The following KIRREL3 variants were observed in gnomAD, a reference collection of about 807,000 sequenced individuals.
KIRREL3 encodes the protein kirre like nephrin family adhesion molecule 3.
In KIRREL3, 36 loss-of-function variants were observed where a neutral mutation model predicts 89.7. The ratio of observed to expected loss-of-function variants is 0.40; its 90% confidence interval spans 0.31 to 0.53. KIRREL3 has a LOEUF of 0.53. KIRREL3 is among the 20% of genes least tolerant of loss of function. The pLI is 0.49. For synonymous variants in KIRREL3, 445 were observed against 441.4 expected (o/e 1.01, Z -0.10); for missense variants, 864 against 1,056.6 (o/e 0.82, Z 2.53).
At position 126,651,153 on chromosome 11, in the gene KIRREL3, G is replaced by C. The variant is rs1398260074; in HGVS notation, c.56-88241C>G. Among the ~76,000 whole-genome samples the C allele has an allele frequency of 6.6e-6, 1 of 152,208 alleles. No homozygotes were observed. The highest frequency in any genetic ancestry group is 6.5e-5 in the Admixed American group (1 of 15,280). ...AAGATGATATGTGGGTGGGGACACA[G>C]CAAAACCATATCAGAAAAGAACTGC... On this transcript the variant is annotated intron_variant, in intron 1 of 16. Transcript: ENST00000525144. The surrounding 1 kb of genome is among the most constrained non-coding windows in gnomAD (Gnocchi z 4.6).
Position 127,000,533 on chromosome 11 carries a change from C to T in KIRREL3, c.-24G>A, listed in dbSNP as rs1374143872. 5 of 1,593,590 alleles carry T rather than the reference C, an allele frequency of 3.1e-6. No individual in the cohort carries two copies. The highest frequency in any genetic ancestry group is 3.5e-5 in the Admixed American group (2 of 57,228). On this transcript the variant is annotated 5_prime_UTR_variant, in exon 1 of 17. Coordinates refer to ENST00000525144, the MANE Select transcript of KIRREL3 (RefSeq NM_032531.4). The surrounding 1 kb of genome is among the most constrained non-coding windows in gnomAD (Gnocchi z 7.1). ...ATTCCTTAGCGCAGCGAAGGAAAGC[C>T]GGCGGGGTAACTTGGCTGTGGTTAG...
chr11:126,573,526 C>A (rs1243221580), intron 1 of KIRREL3, among the ~76,000 whole-genome samples: 1 of 151,312 alleles, frequency 6.6e-6, no homozygotes, highest in African/African-American at 2.4e-5. Context: ...GAGGACCCAG[C>A]GGAAAAGGCA....
At chr11:126,584,536 G>A (rs184183675) in intron 1 of KIRREL3, among the ~76,000 whole-genome samples, 26 of 152,302 alleles carry the variant, frequency 1.7e-4, no homozygotes, top group Admixed American at 5.2e-4. Context: ...GGGTATGACC[G>A]AGCCTGGCTG....
intron 1 of KIRREL3, among the ~76,000 whole-genome samples, chr11:126,840,079 A>G (rs372300969): frequency 1.3e-5 from 2 of 152,176 alleles, no homozygotes; most frequent in Non-Finnish European, 2.9e-5. Context: ...AAGATTCATT[A>G]TGGAAATTAA....
At chr11:126,980,081 T>C (rs1369705293) in intron 1 of KIRREL3, among the ~76,000 whole-genome samples, 1 of 152,130 alleles carries the variant, frequency 6.6e-6, no homozygotes, top group Non-Finnish European at 1.5e-5. Context: ...AGAGTGACTG[T>C]GAGTGGGAAA....
intron 1 of KIRREL3, among the ~76,000 whole-genome samples, chr11:126,785,456 G>A (rs1950458223): frequency 6.6e-6 from 1 of 152,096 alleles, no homozygotes; most frequent in Admixed American, 6.5e-5. Flanking sequence ...AAGCGTTCCA[G>A]GGGAGTGGGA....
In KIRREL3 at chr11:126,578,282, T is replaced by C. The variant is rs754693401; in HGVS notation, c.56-15370A>G. Among the ~76,000 whole-genome samples the C allele has an allele frequency of 2.6e-5, 4 of 152,198 alleles. No individual in the cohort carries two copies. The highest frequency in any genetic ancestry group is 5.9e-5 in the Non-Finnish European group (4 of 68,026). ...ATGCTCCCTCCCTCTCCCCTCCAGC[T>C]TCTCTGCAAATGCAAGACTCTGGCT... On this transcript the variant is annotated intron_variant, in intron 1 of 16. Transcript: ENST00000525144. This position sits in a 1 kb window ranked among gnomAD's most constrained non-coding sequence, Gnocchi z 4.9.
At position 126,967,822 on chromosome 11, in the gene KIRREL3, GCT is replaced by G. The variant is rs1565464375; in HGVS notation, c.55+32631_55+32632del. 8.5e-4 allele frequency among the ~76,000 whole-genome samples: 129 copies of G among 151,074 alleles called. 1 individual carries two copies. Among genetic ancestry groups the G allele is most frequent in the African/African-American group, 2.6e-3 (107 of 41,094 alleles). On this transcript the variant is annotated intron_variant, in intron 1 of 16. Coordinates refer to ENST00000525144, the MANE Select transcript of KIRREL3 (RefSeq NM_032531.4). The stretch of plus-strand genomic sequence containing the variant: ...TTTGCTTGTCGCAGCTGGGGAGGGG[GCT>G]TGCTACAGGCACATACTGGGTAGCT...
intron 1 of KIRREL3, among the ~76,000 whole-genome samples, chr11:126,585,986 T>C (rs185485436): frequency 1.9e-4 from 29 of 152,336 alleles, no homozygotes; most frequent in Non-Finnish European, 4.1e-4. Flanking sequence ...GCCTGAGTAA[T>C]GGCCGTCTGC....
rs984849078 is a variant in KIRREL3, at chr11:126,687,569, T to A, written c.56-124657A>T. Among the ~76,000 whole-genome samples the A allele has an allele frequency of 6.6e-6, 1 of 152,226 alleles. No individual in the cohort carries two copies. The highest frequency in any genetic ancestry group is 1.5e-5 in the Non-Finnish European group (1 of 68,042). ...TTCTATTAGTTTGAAGGAGGTCTAC[T>A]TCCTAAGACATTCTTCTGCTACCAT... On this transcript the variant is annotated intron_variant, in intron 1 of 16. Coordinates refer to ENST00000525144, the MANE Select transcript of KIRREL3 (RefSeq NM_032531.4). This position sits in a 1 kb window ranked among gnomAD's most constrained non-coding sequence, Gnocchi z 4.6.
In KIRREL3 at chr11:126,953,125, C is replaced by G. The variant is rs896309642; in HGVS notation, c.55+47330G>C. Among the ~76,000 whole-genome samples the G allele has an allele frequency of 6.6e-6, 1 of 152,198 alleles. No individual in the cohort carries two copies. Among genetic ancestry groups the G allele is most frequent in the African/African-American group, 2.4e-5 (1 of 41,440 alleles). ...TAGACTGAATAAAGAAAATGTGGCA[C>G]ATATACACCATGGAATTCTATGCAG... On this transcript the variant is annotated intron_variant, in intron 1 of 16. Coordinates refer to ENST00000525144, the MANE Select transcript of KIRREL3 (RefSeq NM_032531.4). This position sits in a 1 kb window ranked among gnomAD's most constrained non-coding sequence, Gnocchi z 5.2.
chr11:126,837,860 C>T lies in KIRREL3; in HGVS notation c.55+162595G>A, dbSNP rs116067651. Among the ~76,000 whole-genome samples the T allele has an allele frequency of 5.5e-3, 833 of 152,278 alleles. 6 individuals are homozygous for T. The highest frequency in any genetic ancestry group is 0.018 in the African/African-American group (743 of 41,536). ...CGCAGTCTATGTCCAGGCATACATCCTATCTCTCTACACTCCTAAAGCCCC... is the reference window on the plus strand; with the variant it reads ...CGCAGTCTATGTCCAGGCATACATCTTATCTCTCTACACTCCTAAAGCCCC... On this transcript the variant is annotated intron_variant, in intron 1 of 16. Coordinates refer to ENST00000525144, the MANE Select transcript of KIRREL3 (RefSeq NM_032531.4). This position sits in a 1 kb window ranked among gnomAD's most constrained non-coding sequence, Gnocchi z 4.7.
chr11:126,672,271 A>G lies in KIRREL3; in HGVS notation c.56-109359T>C, dbSNP rs1246504449. On this transcript the variant is annotated intron_variant, in intron 1 of 16. Transcript: ENST00000525144. ...TTGATTATATGAGACTAGTGTGTAT[A>G]TAAAGACCCTAAAGTTGGGAGGGTA... 3.3e-5 allele frequency among the ~76,000 whole-genome samples: 5 copies of G among 152,350 alleles called. No homozygotes were observed. In the East Asian group the frequency reaches 9.6e-4, roughly 29 times the overall value.
At chr11:126,720,871 C>T (rs374837993) in intron 1 of KIRREL3, among the ~76,000 whole-genome samples, 2 of 152,034 alleles carry the variant, frequency 1.3e-5, no homozygotes, top group South Asian at 2.1e-4. Flanking sequence ...AGAGGAGTGT[C>T]CAGGAAAGGG....
chr11:126,969,078 G>A lies in KIRREL3; in HGVS notation c.55+31377C>T, dbSNP rs1949359253. Among the ~76,000 whole-genome samples the A allele has an allele frequency of 6.6e-6, 1 of 152,152 alleles. No individual in the cohort carries two copies. The highest frequency in any genetic ancestry group is 2.1e-4 in the South Asian group (1 of 4,836). ...CTTCAGGCGGGGGCGTCTGAGGTTC[G>A]CGTGTGAGGGAATCAGGTGCATTGC... On this transcript the variant is annotated intron_variant, in intron 1 of 16. Transcript: ENST00000525144. This position sits in a 1 kb window ranked among gnomAD's most constrained non-coding sequence, Gnocchi z 4.9.
chr11:126,564,871 C>T lies in KIRREL3; in HGVS notation c.56-1959G>A, dbSNP rs1024880212. 4.6e-5 allele frequency among the ~76,000 whole-genome samples: 7 copies of T among 152,372 alleles called. No homozygotes were observed. The South Asian group carries it at 1.2e-3, about 27-fold the overall frequency. Reference sequence around the variant, plus strand: ...GAGGGAGACTGTATTGAAACCTCAACACGCTGACGACAGGCAGAGTTAACC... The same window carrying T: ...GAGGGAGACTGTATTGAAACCTCAATACGCTGACGACAGGCAGAGTTAACC... On this transcript the variant is annotated intron_variant, in intron 1 of 16. Coordinates refer to ENST00000525144, the MANE Select transcript of KIRREL3 (RefSeq NM_032531.4). This position sits in a 1 kb window ranked among gnomAD's most constrained non-coding sequence, Gnocchi z 7.4.
chr11:126,597,608 A>G (rs1477540492), intron 1 of KIRREL3, among the ~76,000 whole-genome samples: 1 of 152,156 alleles, frequency 6.6e-6, no homozygotes, highest in Non-Finnish European at 1.5e-5. Flanking sequence ...TGGAGCTCCA[A>G]ACTATTTCGG....
intron 1 of KIRREL3, among the ~76,000 whole-genome samples, chr11:126,749,318 T>C (rs1949257713): frequency 6.6e-6 from 1 of 152,246 alleles, no homozygotes; most frequent in South Asian, 2.1e-4. Context: ...ACTTATCTGC[T>C]AATCCCTAGA....
At chr11:126,875,450 C>T (rs532680363) in intron 1 of KIRREL3, among the ~76,000 whole-genome samples, 1 of 152,334 alleles carries the variant, frequency 6.6e-6, no homozygotes, top group South Asian at 2.1e-4. Flanking sequence ...ACTCTTTAAA[C>T]TCTAATTCAC....
Sources: allele counts gnomAD v4.1 joint callset (sites outside exome capture counted in the v4.1 genomes callset), GRCh38; gene constraint gnomAD v4.1.1; non-coding constraint Gnocchi (gnomAD v3.1); transcripts MANE v1.5; gene names NCBI Gene and HGNC (gene_info 2026-07-23, HGNC 2026-07-21).